The following WDR37 variants were observed in gnomAD, a reference collection of about 807,000 sequenced individuals.
The protein encoded by WDR37 is WD repeat domain 37.
A neutral mutation model predicts 62.9 loss-of-function variants in WDR37; 19 were observed. The observed-to-expected ratio is 0.30, with a 90% CI of 0.21 to 0.44. The LOEUF (loss-of-function observed/expected upper bound fraction) is 0.44. Among genes scored for constraint, WDR37 ranks in the 20% least tolerant of loss-of-function variants. The probability of loss-of-function intolerance (pLI) is 1.00; values close to 1 mark genes in which losing one functional copy is unlikely to be tolerated. For synonymous variants in WDR37, 250 were observed against 260.9 expected (o/e 0.96, Z 0.40); for missense variants, 474 against 657.6 (o/e 0.72, Z 3.05).
At position 1,096,195 on chromosome 10, in the gene WDR37, C is replaced by G. The variant is rs770901554; in HGVS notation, c.675C>G (p.Ile225Met). 4 of 1,614,060 alleles carry G rather than the reference C, an allele frequency of 2.5e-6. No individual in the cohort carries two copies. Among genetic ancestry groups the G allele is most frequent in the East Asian group, 2.2e-5 (1 of 44,886 alleles). ...LTASGDQTAHIWRYAVQLPTP... is the reference protein window; with the variant it reads ...LTASGDQTAHMWRYAVQLPTP... ...CTTCTGGAGATCAGACTGCTCATAT[C>G]TGGAGATACGCGGTGCAGCTGCCGA... The change falls in exon 9 of 14, where the codon ATC becomes ATG. Residue 225 changes from isoleucine (I) to methionine (M), a missense_variant. Ile to Met is a conservative substitution (Grantham distance 10). Coordinates refer to ENST00000263150, the MANE Select transcript of WDR37 (RefSeq NM_014023.4).
rs761163329 is a variant in WDR37 at position 1,124,254 on chromosome 10, C to T, written c.1140C>T (p.Asn380=). Residue 380 remains asparagine (N), a synonymous_variant, in exon 12 of 14, where the codon AAC becomes AAT. Transcript: ENST00000263150. ...CTGCCGTGTTCACCGTGGGAGACAACGTGGTTTCAGGCAGCGATGACCGCA... is the reference window on the plus strand; with the variant it reads ...CTGCCGTGTTCACCGTGGGAGACAATGTGGTTTCAGGCAGCGATGACCGCA... The part of the protein sequence containing the change: ...VTSAVFTVGD[N]VVSGSDDRTV... 30 of 1,614,208 alleles carry T rather than the reference C, an allele frequency of 1.9e-5. No individual in the cohort carries two copies. Among genetic ancestry groups the T allele is most frequent in the Non-Finnish European group, 2.3e-5 (27 of 1,180,052 alleles).
chr10:1,116,886 G>T (rs1835417434), intron 11 of WDR37, among the ~76,000 whole-genome samples: 1 of 151,744 alleles, frequency 6.6e-6, no homozygotes, highest in South Asian at 2.1e-4. Flanking sequence ...CCTAGGCCCA[G>T]TGGTTCTTTC....
Position 1,130,639 on chromosome 10 carries a change from A to T in WDR37, c.*1295A>T, listed in dbSNP as rs1249140719. The T allele has an allele frequency of 6.6e-6, 1 of 152,212 alleles. No individual in the cohort carries two copies. Among genetic ancestry groups the T allele is most frequent in the Non-Finnish European group, 1.5e-5 (1 of 68,046 alleles). 9.4% of individuals were successfully genotyped at this position (152,212 alleles called of 1,614,324 possible). On this transcript the variant is annotated 3_prime_UTR_variant, in exon 14 of 14. Coordinates refer to ENST00000263150, the MANE Select transcript of WDR37 (RefSeq NM_014023.4). ...TATATTCAGTCCTTTCAATACGTCC[A>T]CCTGGAGGCTCACCACTTGGAGAGA...
In WDR37 at chr10:1,103,567, A is replaced by G. The variant is rs1429118309; in HGVS notation, c.727-35A>G. 6.2e-7 allele frequency: 1 copy of G among 1,602,338 alleles called. No individual in the cohort carries two copies. The highest frequency in any genetic ancestry group is 8.5e-7 in the Non-Finnish European group (1 of 1,170,918). On this transcript the variant is annotated intron_variant, in intron 9 of 13. Coordinates refer to ENST00000263150, the MANE Select transcript of WDR37 (RefSeq NM_014023.4). The surrounding 1 kb of genome is among the most constrained non-coding windows in gnomAD (Gnocchi z 6.3). The stretch of plus-strand genomic sequence containing the variant: ...AGAAGAAACTCAAGATTTCCAGGAA[A>G]TGTCTTTCTTTTCTGGCCTTCCCTT...
chr10:1,065,894 T>C (rs1589074816), intron 1 of WDR37, among the ~76,000 whole-genome samples: 9 of 126,040 alleles, frequency 7.1e-5, no homozygotes, highest in Admixed American at 6.8e-4. Flanking sequence ...AAAACTGTCC[T>C]TTTTTTTTTT....
intron 3 of WDR37, among the ~76,000 whole-genome samples, chr10:1,079,421 A>G (rs1243233457): frequency 2.7e-5 from 4 of 150,106 alleles, no homozygotes; most frequent in Non-Finnish European, 4.4e-5. Flanking sequence ...ATCAATCACT[A>G]TGGAAACTAT....
At chr10:1,079,362 G>A (rs1222635008) in intron 3 of WDR37, among the ~76,000 whole-genome samples, 4 of 150,860 alleles carry the variant, frequency 2.7e-5, no homozygotes, top group African/African-American at 7.4e-5. Context: ...TGGGATTACA[G>A]GCATGAGATA....
chr10:1,094,559 A>G (rs1834503893), intron 8 of WDR37, among the ~76,000 whole-genome samples: 1 of 152,208 alleles, frequency 6.6e-6, no homozygotes. Context: ...TACGTGGATG[A>G]AGACTAAAGC....
At chr10:1,088,761 G>A (rs1252802733) in intron 7 of WDR37, among the ~76,000 whole-genome samples, 1 of 151,810 alleles carries the variant, frequency 6.6e-6, no homozygotes, top group Non-Finnish European at 1.5e-5. Context: ...GAGACGTGAA[G>A]TGAACACATG....
chr10:1,085,821 C>G (rs867592294), intron 6 of WDR37, among the ~76,000 whole-genome samples: 5 of 152,270 alleles, frequency 3.3e-5, no homozygotes, highest in Non-Finnish European at 5.9e-5. Flanking sequence ...CTCAGATTTT[C>G]CCATTAAATC....
intron 11 of WDR37, among the ~76,000 whole-genome samples, chr10:1,110,289 A>G (rs1835171576): frequency 1.3e-5 from 2 of 152,278 alleles, no homozygotes; most frequent in East Asian, 3.9e-4. Flanking sequence ...GCCTTTATTG[A>G]ACACAAACTC....
rs1835577093 is a variant in WDR37, at chr10:1,121,517, C to G, written c.1104-2701C>G. ...AGTTACTGGGTTGATTTTGCAGTCTCTCTCCTCTGCCCATGCTGCTCTCGT... is the reference window on the plus strand; with the variant it reads ...AGTTACTGGGTTGATTTTGCAGTCTGTCTCCTCTGCCCATGCTGCTCTCGT... On this transcript the variant is annotated intron_variant, in intron 11 of 13. Transcript: ENST00000263150. This position sits in a 1 kb window ranked among gnomAD's most constrained non-coding sequence, Gnocchi z 4.5. Among the ~76,000 whole-genome samples the G allele has an allele frequency of 6.6e-6, 1 of 152,170 alleles. No homozygotes were observed.
chr10:1,081,690 T>A (rs962308373), intron 5 of WDR37, among the ~76,000 whole-genome samples: 8 of 152,144 alleles, frequency 5.3e-5, no homozygotes, highest in African/African-American at 1.7e-4. Flanking sequence ...TACTTACAAG[T>A]TTTGAACTTT....
Position 1,105,315 on chromosome 10 carries a change from T to G in WDR37, c.1103+48T>G. 6.3e-7 allele frequency: 1 copy of G among 1,574,964 alleles called. No individual in the cohort carries two copies. Among genetic ancestry groups the G allele is most frequent in the Non-Finnish European group, 8.7e-7 (1 of 1,153,614 alleles). On this transcript the variant is annotated intron_variant, in intron 11 of 13. Transcript: ENST00000263150. This position sits in a 1 kb window ranked among gnomAD's most constrained non-coding sequence, Gnocchi z 5.3. ...TCTGTCCTTAGTCATGAAAAAGTTCTGTGGGTTGACATGAAAACTTAATTC... is the reference window on the plus strand; with the variant it reads ...TCTGTCCTTAGTCATGAAAAAGTTCGGTGGGTTGACATGAAAACTTAATTC...
intron 9 of WDR37, among the ~76,000 whole-genome samples, chr10:1,102,573 C>T (rs934874495): frequency 1.1e-4 from 16 of 151,278 alleles, no homozygotes; most frequent in Admixed American, 8.6e-4. Flanking sequence ...GTGATGGAAA[C>T]AGGAGTAAGG....
chr10:1,096,472 C>T, intron 9 of WDR37: 1 of 573,594 alleles, frequency 1.7e-6, no homozygotes, highest in Non-Finnish European at 3.1e-6. Flanking sequence ...GGAGAGCTCA[C>T]CTGTGTTCTC....
At chr10:1,092,295 C>G (rs1470936914) in intron 7 of WDR37, among the ~76,000 whole-genome samples, 1 of 152,100 alleles carries the variant, frequency 6.6e-6, no homozygotes, top group African/African-American at 2.4e-5. Context: ...AGTTTGAGAC[C>G]AGCCTGGACG....
chr10:1,080,367 T>TTTGA (rs1833992770), intron 4 of WDR37, 45 bp from the exon 5 acceptor site: 1 of 1,613,058 alleles, frequency 6.2e-7, no homozygotes, highest in Admixed American at 1.7e-5. Flanking sequence ...GCTATAGGTC[T>TTTGA]TTGATTGTGT....
intron 13 of WDR37, among the ~76,000 whole-genome samples, chr10:1,126,114 C>T (rs572708861): frequency 2.8e-4 from 42 of 152,268 alleles, no homozygotes; most frequent in Admixed American, 1.4e-3. Flanking sequence ...AGAAACTCCC[C>T]GGGGTCAGTG....
Sources: gnomAD v4.1 joint callset for allele counts (sites outside exome capture counted in the v4.1 genomes callset) on GRCh38, gnomAD v4.1.1 for gene constraint, Gnocchi (gnomAD v3.1) non-coding constraint, MANE v1.5 for transcripts, NCBI Gene and HGNC (gene_info 2026-07-23, HGNC 2026-07-21) for gene names.